Variants in SPMIP4 observed in about 807,000 individuals in gnomAD.
SPMIP4 encodes the protein sperm-associated microtubule inner protein 4.
At chr7:25,125,775 A>G in the SPMIP4 span, 2 of 313,170 alleles carry the variant, frequency 6.4e-6, no homozygotes, top group African/African-American at 4.5e-5. Flanking sequence ...ACTCTGTCCT[A>G]CTACCACGGC....
At chr7:25,132,812 C>T in the SPMIP4 span, among the ~76,000 whole-genome samples, 1 of 152,076 alleles carries the variant, frequency 6.6e-6, no homozygotes, top group East Asian at 1.9e-4. The surrounding 1 kb of genome is among the most constrained non-coding windows in gnomAD (Gnocchi z 5.0). Flanking sequence ...GTTTAGTAAA[C>T]GAGTATGTTT....
chr7:25,179,357 T>C, the SPMIP4 span: 5 of 1,583,910 alleles, frequency 3.2e-6, no homozygotes, highest in East Asian at 9.0e-5. Context: ...GAGGGCACAT[T>C]TGGCTTGTCG....
the SPMIP4 span, chr7:25,136,805 G>T: frequency 6.3e-7 from 1 of 1,593,940 alleles, no homozygotes; most frequent in Non-Finnish European, 8.5e-7. This position sits in a 1 kb window ranked among gnomAD's most constrained non-coding sequence, Gnocchi z 5.7. Flanking sequence ...TGTAGTTGTG[G>T]GATAAAAAGG....
At chr7:25,136,266 T>C in the SPMIP4 span, 27,363 of 1,614,128 alleles carry the variant, frequency 0.017, 341 homozygotes, top group South Asian at 0.042. The surrounding 1 kb of genome is among the most constrained non-coding windows in gnomAD (Gnocchi z 5.7). Flanking sequence ...CCGTGTCTTG[T>C]TTATTTTGTA....
At chr7:25,171,779 A>T in the SPMIP4 span, among the ~76,000 whole-genome samples, 3 of 152,124 alleles carry the variant, frequency 2.0e-5, no homozygotes, top group South Asian at 6.2e-4. Context: ...GAGGAAACTA[A>T]AGGAGACCAT....
At chr7:25,139,315 G>A in the SPMIP4 span, among the ~76,000 whole-genome samples, 3 of 152,076 alleles carry the variant, frequency 2.0e-5, no homozygotes, top group Non-Finnish European at 2.9e-5. Flanking sequence ...TTAGAGGGAT[G>A]GAAAGATGGA....
At chr7:25,142,762 T>C in the SPMIP4 span, 9 of 1,591,046 alleles carry the variant, frequency 5.7e-6, no homozygotes, top group African/African-American at 1.2e-4. Flanking sequence ...AGCGAAGGTT[T>C]TAGGAGGTTT....
At chr7:25,161,307 C>G in the SPMIP4 span, 1 of 1,067,050 alleles carries the variant, frequency 9.4e-7, no homozygotes, top group Non-Finnish European at 1.4e-6. Context: ...AAAATTAACA[C>G]AATATAATGG....
chr7:25,156,206 C>A, the SPMIP4 span, among the ~76,000 whole-genome samples: 1 of 152,092 alleles, frequency 6.6e-6, no homozygotes, highest in Non-Finnish European at 1.5e-5. Context: ...GATGCATCTA[C>A]AAGCCAAGGA....
the SPMIP4 span, chr7:25,135,813 T>C: frequency 7.3e-7 from 1 of 1,362,662 alleles, no homozygotes; most frequent in Non-Finnish European, 9.4e-7. Flanking sequence ...TCTGGGTTCC[T>C]CCAACCAGAT....
At chr7:25,173,073 G>T in the SPMIP4 span, among the ~76,000 whole-genome samples, 3 of 151,696 alleles carry the variant, frequency 2.0e-5, no homozygotes, top group African/African-American at 7.3e-5. This position sits in a 1 kb window ranked among gnomAD's most constrained non-coding sequence, Gnocchi z 4.4. Context: ...GAGAGAATGG[G>T]AAAGAGAAGG....
the SPMIP4 span, among the ~76,000 whole-genome samples, chr7:25,169,755 C>T: frequency 2.9e-3 from 444 of 152,024 alleles, 1 homozygote; most frequent in African/African-American, 0.01. Flanking sequence ...TTTGTATTTT[C>T]AGTAGAGACA....
the SPMIP4 span, among the ~76,000 whole-genome samples, chr7:25,155,410 A>G: frequency 6.6e-6 from 1 of 152,222 alleles, no homozygotes; most frequent in Non-Finnish European, 1.5e-5. Context: ...ATTTTGCTAG[A>G]CAAAACTAAA....
chr7:25,145,765 T>C, the SPMIP4 span, among the ~76,000 whole-genome samples: 3 of 152,254 alleles, frequency 2.0e-5, no homozygotes, highest in Non-Finnish European at 4.4e-5. Flanking sequence ...ATAATATATG[T>C]AACTCATAAC....
the SPMIP4 span, among the ~76,000 whole-genome samples, chr7:25,147,058 G>C: frequency 1.3e-5 from 2 of 152,208 alleles, no homozygotes; most frequent in Non-Finnish European, 2.9e-5. Context: ...CACTTTGGGA[G>C]GCCGAGGAGG....
the SPMIP4 span, chr7:25,126,054 A>AAT: frequency 1.5e-5 from 4 of 271,226 alleles, no homozygotes; most frequent in South Asian, 2.8e-4. Context: ...GAAGTAGGTA[A>AAT]ATATATATAT....
chr7:25,135,294 A>G, the SPMIP4 span: 1 of 981,084 alleles, frequency 1.0e-6, no homozygotes. Flanking sequence ...TGCATAAAAG[A>G]AACAGTTATG....
At chr7:25,136,911 C>T in the SPMIP4 span, 1 of 933,412 alleles carries the variant, frequency 1.1e-6, no homozygotes, top group Non-Finnish European at 1.6e-6. This position sits in a 1 kb window ranked among gnomAD's most constrained non-coding sequence, Gnocchi z 5.7. Context: ...TAGGAGTGTA[C>T]ATTGCAATGC....
the SPMIP4 span, among the ~76,000 whole-genome samples, chr7:25,148,665 G>A: frequency 6.6e-6 from 1 of 151,972 alleles, no homozygotes; most frequent in South Asian, 2.1e-4. Flanking sequence ...AGTAGAGTCA[G>A]TGTTCCGCCA....
Sources: allele counts gnomAD v4.1 joint callset (sites outside exome capture counted in the v4.1 genomes callset), GRCh38; gene constraint gnomAD v4.1.1; non-coding constraint Gnocchi (gnomAD v3.1); transcripts MANE v1.5; gene names NCBI Gene and HGNC (gene_info 2026-07-23, HGNC 2026-07-21).